Variants in RIMS2 observed in about 807,000 individuals in gnomAD.
The protein encoded by RIMS2 is regulating synaptic membrane exocytosis 2.
RIMS2 carries 59 observed loss-of-function variants against 174.4 expected under a neutral mutation model. The observed-to-expected ratio is 0.34, with a 90% CI of 0.27 to 0.42. The LOEUF is 0.42. Among genes scored for constraint, RIMS2 ranks in the 10% least tolerant of loss-of-function variants. The probability of loss-of-function intolerance (pLI) is 1.00; values close to 1 mark genes in which losing one functional copy is unlikely to be tolerated. For missense variants in RIMS2, 1,620 were observed against 1,666.3 expected, an observed-to-expected ratio of 0.97 and a Z score of 0.48; for synonymous variants, 606 against 572.5, an observed-to-expected ratio of 1.06 and a Z score of -0.84.
Position 103,989,479 on chromosome 8 carries a change from A to AG in RIMS2, c.3044+62dup, listed in dbSNP as rs946278313. The AG allele has an allele frequency of 3.4e-6, 3 of 876,094 alleles. No individual in the cohort carries two copies. The African/African-American group carries it at 5.1e-5, about 15-fold the overall frequency. 54.3% of individuals were successfully genotyped at this position (876,094 alleles called of 1,614,324 possible). A position where few individuals can be genotyped will look rare whatever the true frequency, so the allele number is the denominator to read the frequency against. On this transcript the variant is annotated intron_variant, in intron 17 of 23. Transcript: ENST00000504942. Reference sequence around the variant, plus strand: ...ATTAATATAATCACTGCTTTCAGGAAGGGGTTACCATAAAATATTTTCACA... The same window carrying AG: ...ATTAATATAATCACTGCTTTCAGGAAGGGGGTTACCATAAAATATTTTCACA...
intron 2 of RIMS2, among the ~76,000 whole-genome samples, chr8:103,710,617 G>A (rs1462612018): frequency 1.3e-5 from 2 of 152,170 alleles, no homozygotes; most frequent in Non-Finnish European, 1.5e-5. Context: ...TCAGAGTGTG[G>A]CAACTTTAAC....
chr8:103,704,085 AATT>A (rs1207587902), intron 2 of RIMS2, among the ~76,000 whole-genome samples: 1 of 151,310 alleles, frequency 6.6e-6, no homozygotes, highest in African/African-American at 2.4e-5. Context: ...AAAGACTTTT[AATT>A]CTTTCCCTTC....
At chr8:103,714,616 A>G (rs2097346642) in intron 2 of RIMS2, among the ~76,000 whole-genome samples, 1 of 152,216 alleles carries the variant, frequency 6.6e-6, no homozygotes, top group Non-Finnish European at 1.5e-5. Context: ...GGAACTAATC[A>G]TGGAAAGTTG....
chr8:103,687,605 T>C (rs2096958467), intron 1 of RIMS2, among the ~76,000 whole-genome samples: 2 of 152,124 alleles, frequency 1.3e-5, no homozygotes, highest in African/African-American at 2.4e-5. Flanking sequence ...TGTTGTACAA[T>C]AGATCACTTG....
chr8:103,601,778 T>C (rs11775389), intron 1 of RIMS2, among the ~76,000 whole-genome samples: 27,631 of 152,036 alleles, frequency 0.18, 2,756 homozygotes, highest in African/African-American at 0.26. Flanking sequence ...GTTTTATGAT[T>C]TACTTTTTGC....
chr8:104,040,352 T>A (rs953009861), intron 19 of RIMS2, among the ~76,000 whole-genome samples: 30 of 151,692 alleles, frequency 2.0e-4, no homozygotes, highest in African/African-American at 7.0e-4. Context: ...ATATTGTTCA[T>A]CTGTGTCAAT....
intron 3 of RIMS2, chr8:103,768,592 C>T: frequency 2.2e-6 from 3 of 1,376,200 alleles, no homozygotes; most frequent in Non-Finnish European, 3.1e-6. Context: ...TTGTGGATGC[C>T]AATCGGAGTG....
intron 1 of RIMS2, among the ~76,000 whole-genome samples, chr8:103,604,658 A>G (rs2094954610): frequency 6.9e-6 from 1 of 144,814 alleles, no homozygotes. Flanking sequence ...ATTTGTTTGT[A>G]TCCTCTTTTA....
At chr8:103,956,188 T>C (rs2087142311) in intron 14 of RIMS2, among the ~76,000 whole-genome samples, 1 of 152,192 alleles carries the variant, frequency 6.6e-6, no homozygotes, top group East Asian at 1.9e-4. Flanking sequence ...AAGTAATTTA[T>C]ACATTTAATG....
At chr8:104,202,362 G>A (rs762947157) in intron 19 of RIMS2, among the ~76,000 whole-genome samples, 5 of 152,134 alleles carry the variant, frequency 3.3e-5, no homozygotes, top group Non-Finnish European at 7.4e-5. Flanking sequence ...TAAAATCTTA[G>A]AATAGATCTA....
At chr8:103,615,308 T>A (rs985561041) in intron 1 of RIMS2, among the ~76,000 whole-genome samples, 26 of 152,246 alleles carry the variant, frequency 1.7e-4, no homozygotes, top group African/African-American at 5.5e-4. Flanking sequence ...AAGGCAGAAA[T>A]CAGGAAGTTC....
chr8:103,666,425 G>A (rs7842242), intron 1 of RIMS2, among the ~76,000 whole-genome samples: 2,834 of 152,152 alleles, frequency 0.019, 82 homozygotes, highest in African/African-American at 0.065. Context: ...AACTTTATGC[G>A]TTGACATCAT....
chr8:103,797,509 T>A (rs1193708007), intron 3 of RIMS2, among the ~76,000 whole-genome samples: 1 of 152,226 alleles, frequency 6.6e-6, no homozygotes, highest in African/African-American at 2.4e-5. Flanking sequence ...GTTACAATTA[T>A]CCTGTGTTTA....
chr8:104,081,082 A>G (rs2097409157), intron 19 of RIMS2, among the ~76,000 whole-genome samples: 1 of 152,002 alleles, frequency 6.6e-6, no homozygotes, highest in South Asian at 2.1e-4. Flanking sequence ...CTGATGGATG[A>G]ATTAAAACTT....
At chr8:104,023,887 AAG>A (rs750667368) in intron 19 of RIMS2, among the ~76,000 whole-genome samples, 41 of 152,192 alleles carry the variant, frequency 2.7e-4, no homozygotes, top group Non-Finnish European at 4.6e-4. Flanking sequence ...GAGATGAAAA[AAG>A]TGGGAGAAGA....
At chr8:103,921,822 T>C (rs1335126737) in intron 10 of RIMS2, 38 bp downstream of exon 13, 2 of 766,646 alleles carry the variant, frequency 2.6e-6, no homozygotes, top group South Asian at 3.1e-5. Context: ...TTTTGGAATA[T>C]CAAATAGTGT....
chr8:103,961,582 A>G (rs2090106132), intron 15 of RIMS2, among the ~76,000 whole-genome samples: 1 of 152,144 alleles, frequency 6.6e-6, no homozygotes, highest in East Asian at 1.9e-4. Context: ...TTGAAATTAT[A>G]GTATTGTAGT....
chr8:104,032,350 T>A (rs2096412388), intron 19 of RIMS2, among the ~76,000 whole-genome samples: 1 of 152,064 alleles, frequency 6.6e-6, no homozygotes, highest in African/African-American at 2.4e-5. Context: ...AACAAAGTGT[T>A]TTTGTTTTCC....
At chr8:104,090,954 A>AATC (rs976497856) in intron 19 of RIMS2, among the ~76,000 whole-genome samples, 55 of 151,816 alleles carry the variant, frequency 3.6e-4, no homozygotes, top group African/African-American at 1.0e-3. Context: ...GCTACTGTTT[A>AATC]ATCATCATCA....
Sources: gnomAD v4.1 joint callset for allele counts (sites outside exome capture counted in the v4.1 genomes callset) on GRCh38, gnomAD v4.1.1 for gene constraint, MANE v1.5 for transcripts, NCBI Gene and HGNC (gene_info 2026-07-23, HGNC 2026-07-21) for gene names.